The following ROBO1 variants were observed in gnomAD, a reference collection of about 807,000 sequenced individuals.
The protein encoded by ROBO1 is roundabout homolog 1.
ROBO1 carries 149 observed loss-of-function variants against 195.9 expected under a neutral mutation model. The ratio of observed to expected loss-of-function variants is 0.76; its 90% CI spans 0.67 to 0.87. The LOEUF is 0.87. ROBO1 is among the 40% of genes least tolerant of loss of function. ROBO1 has a pLI of 0.00. For synonymous variants in ROBO1, 816 were observed against 733.2 expected, an observed-to-expected ratio of 1.11 and a Z score of -1.82; for missense variants, 1,933 against 2,068.3, an observed-to-expected ratio of 0.93 and a Z score of 1.27.
At chr3:78,652,348 A>G (rs961773116) in intron 18 of ROBO1, among the ~76,000 whole-genome samples, 1 of 152,170 alleles carries the variant, frequency 6.6e-6, no homozygotes, top group Admixed American at 6.6e-5. Flanking sequence ...ATAAGTATTC[A>G]CGGACAATAA....
chr3:79,599,606 G>T (rs1176187828), intron 1 of ROBO1, among the ~76,000 whole-genome samples: 4 of 151,888 alleles, frequency 2.6e-5, no homozygotes, highest in Non-Finnish European at 5.9e-5. Flanking sequence ...AATCCTTAGG[G>T]GTAGGGGGCG....
At chr3:79,322,670 G>A (rs1052929861) in intron 2 of ROBO1, among the ~76,000 whole-genome samples, 1 of 152,088 alleles carries the variant, frequency 6.6e-6, no homozygotes, top group Admixed American at 6.6e-5. Context: ...GTAACCATTT[G>A]GCCGTATATT....
intron 2 of ROBO1, among the ~76,000 whole-genome samples, chr3:79,468,021 C>T (rs578058885): frequency 6.3e-4 from 96 of 152,304 alleles, no homozygotes; most frequent in Non-Finnish European, 1.2e-3. Flanking sequence ...TGTAATATAC[C>T]GCCTACTGTG....
chr3:79,095,846 A>C (rs1055391104), intron 3 of ROBO1, among the ~76,000 whole-genome samples: 1 of 151,936 alleles, frequency 6.6e-6, no homozygotes, highest in Non-Finnish European at 1.5e-5. Context: ...TGACTCTTGG[A>C]GGTTTCCCTA....
At chr3:78,856,916 C>A (rs1240760127) in intron 4 of ROBO1, among the ~76,000 whole-genome samples, 1 of 150,804 alleles carries the variant, frequency 6.6e-6, no homozygotes, top group African/African-American at 2.4e-5. Context: ...CTAACAAGCA[C>A]CTCCTAGGCC....
chr3:79,625,423 G>GAAAAAAAA, intron 1 of ROBO1, among the ~76,000 whole-genome samples: 17 of 13,884 alleles, frequency 1.2e-3, no homozygotes, highest in East Asian at 3.2e-3. Context: ...TGTTTTTTTT[G>GAAAAAAAA]AAAAAAAAAA....
chr3:79,191,073 T>C (rs1265777095), intron 2 of ROBO1, among the ~76,000 whole-genome samples: 1 of 151,598 alleles, frequency 6.6e-6, no homozygotes, highest in African/African-American at 2.4e-5. Context: ...AATTTTAAAA[T>C]ATGTAGAAAA....
chr3:79,686,234 G>A (rs1276737360), intron 1 of ROBO1, among the ~76,000 whole-genome samples: 2 of 152,096 alleles, frequency 1.3e-5, no homozygotes, highest in Admixed American at 6.6e-5. Flanking sequence ...AATAATAAGA[G>A]CTATCTATGA....
intron 28 of ROBO1, among the ~76,000 whole-genome samples, chr3:78,612,527 C>A (rs144387256): frequency 6.6e-6 from 1 of 152,158 alleles, no homozygotes; most frequent in Non-Finnish European, 1.5e-5. Flanking sequence ...TGCCATCCAG[C>A]GTGTCTGCAT....
intron 2 of ROBO1, among the ~76,000 whole-genome samples, chr3:79,548,204 T>C (rs1303400654): frequency 6.6e-6 from 1 of 152,212 alleles, no homozygotes; most frequent in African/African-American, 2.4e-5. Context: ...TCTTTACTCC[T>C]GACCCTCGCT....
chr3:78,600,375 C>T (rs757309788), intron 29 of ROBO1, 66 bp from the exon 30 acceptor site: 37 of 1,014,260 alleles, frequency 3.6e-5, no homozygotes, highest in Non-Finnish European at 5.3e-5. Context: ...TATTGTATCA[C>T]TCCTGTCTAT....
At chr3:78,766,995 G>A (rs1295341154) in intron 4 of ROBO1, among the ~76,000 whole-genome samples, 4 of 152,036 alleles carry the variant, frequency 2.6e-5, no homozygotes, top group African/African-American at 4.8e-5. Context: ...ATTATCTGTC[G>A]GACATGTTGT....
intron 1 of ROBO1, among the ~76,000 whole-genome samples, chr3:79,685,894 C>G (rs934240284): frequency 1.3e-5 from 2 of 152,056 alleles, no homozygotes; most frequent in Admixed American, 6.6e-5. Flanking sequence ...ATCCTGATAC[C>G]AAAGCCTGGC....
intron 2 of ROBO1, among the ~76,000 whole-genome samples, chr3:79,320,311 C>G (rs958126257): frequency 2.6e-5 from 4 of 152,098 alleles, no homozygotes; most frequent in African/African-American, 9.7e-5. Flanking sequence ...GTGAACTCAT[C>G]GCTTCCCAAA....
intron 2 of ROBO1, among the ~76,000 whole-genome samples, chr3:79,300,214 T>TG (rs915380262): frequency 4.6e-5 from 7 of 151,956 alleles, no homozygotes; most frequent in African/African-American, 1.2e-4. Flanking sequence ...CAGGGAGGTG[T>TG]GGGGGGAGAG....
intron 14 of ROBO1, among the ~76,000 whole-genome samples, chr3:78,664,663 C>A (rs1484140802): frequency 6.6e-6 from 1 of 152,082 alleles, no homozygotes; most frequent in Non-Finnish European, 1.5e-5. Context: ...TTGACCCCAG[C>A]TCATTTCTAA....
intron 2 of ROBO1, among the ~76,000 whole-genome samples, chr3:79,576,815 C>T (rs1006523960): frequency 6.6e-6 from 1 of 152,138 alleles, no homozygotes; most frequent in Non-Finnish European, 1.5e-5. Context: ...GTGTTTGAAA[C>T]TTGAATAAAT....
chr3:79,537,077 G>T (rs1040430421), intron 2 of ROBO1, among the ~76,000 whole-genome samples: 6 of 151,100 alleles, frequency 4.0e-5, no homozygotes, highest in African/African-American at 1.5e-4. Flanking sequence ...TGCCTTAGTG[G>T]TCTTCATTTA....
At chr3:79,619,913 C>G (rs1287802262) in intron 1 of ROBO1, among the ~76,000 whole-genome samples, 3 of 152,190 alleles carry the variant, frequency 2.0e-5, no homozygotes, top group Non-Finnish European at 4.4e-5. Context: ...ACCTCGCCTT[C>G]AAGGTGTACA....
Sources: gnomAD v4.1 joint callset for allele counts (sites outside exome capture counted in the v4.1 genomes callset) on GRCh38, gnomAD v4.1.1 for gene constraint, MANE v1.5 for transcripts, NCBI Gene and HGNC (gene_info 2026-07-23, HGNC 2026-07-21) for gene names.